The following NPFFR1 variants were observed in gnomAD, a reference collection of about 807,000 sequenced individuals.
NPFFR1 encodes G-protein coupled receptor 147.
Under a neutral mutation model 12.7 loss-of-function variants are expected in NPFFR1, and 17 were observed. The ratio of observed to expected loss-of-function variants is 1.34; its 90% CI spans 0.92 to 2.01. NPFFR1 has a LOEUF of 2.01. Among genes scored for constraint, NPFFR1 ranks in the 30% most tolerant of loss-of-function variants. NPFFR1 has a pLI of 0.00. For synonymous variants in NPFFR1, 296 were observed against 264.5 expected, an observed-to-expected ratio of 1.12 and a Z score of -1.16; for missense variants, 604 against 606.5, an observed-to-expected ratio of 1.00 and a Z score of 0.04.
chr10:70,265,580 G>A (rs116962914), intron 2 of NPFFR1, among the ~76,000 whole-genome samples: 2,179 of 152,258 alleles, frequency 0.014, 27 homozygotes, highest in Middle Eastern at 0.037. Context: ...TGGAGTTTTC[G>A]TTCCCGATTC....
In NPFFR1 at chr10:70,251,750, G is replaced by C. The variant is rs563179824; in HGVS notation, c.*3207C>G. 6.6e-6 allele frequency: 1 copy of C among 152,270 alleles called. No individual in the cohort carries two copies. The highest frequency in any genetic ancestry group is 1.5e-5 in the Non-Finnish European group (1 of 68,058). 9.4% of individuals were successfully genotyped at this position (152,270 alleles called of 1,614,324 possible). ...GAATGGTCCACACCACTTGCCCGTGGGCGCCTAGGCTGCACAAGGCCCCGT... is the reference window on the plus strand; with the variant it reads ...GAATGGTCCACACCACTTGCCCGTGCGCGCCTAGGCTGCACAAGGCCCCGT... On this transcript the variant is annotated 3_prime_UTR_variant, in exon 4 of 4. Coordinates refer to ENST00000277942, the MANE Select transcript of NPFFR1 (RefSeq NM_022146.5).
chr10:70,280,734 T>C (rs930986561), intron 1 of NPFFR1, among the ~76,000 whole-genome samples: 1 of 152,208 alleles, frequency 6.6e-6, no homozygotes, highest in African/African-American at 2.4e-5. Context: ...CTGGGCGTAG[T>C]GGCTCACACC....
chr10:70,283,714 C>G lies in NPFFR1; in HGVS notation c.-38G>C, dbSNP rs1342573386. ...TGCGGGCTCCGGCGGTCTCCGATGGCGGGAGGCAGCGGGCCCCTTCGGGCC... is the reference window on the plus strand; with the variant it reads ...TGCGGGCTCCGGCGGTCTCCGATGGGGGGAGGCAGCGGGCCCCTTCGGGCC... On this transcript the variant is annotated 5_prime_UTR_variant, in exon 1 of 4. Transcript: ENST00000277942. 8.5e-6 allele frequency: 13 copies of G among 1,533,878 alleles called. No homozygotes were observed. The Admixed American group carries it at 2.0e-4, about 23-fold the overall frequency.
chr10:70,271,424 G>T (rs1489932596), intron 1 of NPFFR1, among the ~76,000 whole-genome samples: 2 of 152,016 alleles, frequency 1.3e-5, no homozygotes, highest in African/African-American at 2.4e-5. Flanking sequence ...GAGGTGGGAG[G>T]ATCGCTTGAG....
rs1275652985 is a variant in NPFFR1 at position 70,250,295 on chromosome 10, C to T, written c.*4662G>A. The T allele has an allele frequency of 6.6e-6, 1 of 152,200 alleles. No homozygotes were observed. The highest frequency in any genetic ancestry group is 1.5e-5 in the Non-Finnish European group (1 of 68,048). 9.4% of individuals were successfully genotyped at this position (152,200 alleles called of 1,614,324 possible). A position where few individuals can be genotyped will look rare whatever the true frequency, so the allele number is the denominator to read the frequency against. ...CATTCATACACTGCTGATGGGAGTA[C>T]AAAATGGTAGAGCGACTTTGGAAAG... On this transcript the variant is annotated 3_prime_UTR_variant, in exon 4 of 4. Transcript: ENST00000277942.
intron 1 of NPFFR1, among the ~76,000 whole-genome samples, chr10:70,277,598 C>T (rs1026514935): frequency 2.6e-5 from 4 of 152,212 alleles, no homozygotes; most frequent in Non-Finnish European, 2.9e-5. Flanking sequence ...GACCCCCTTC[C>T]GTACATGGCC....
chr10:70,264,233 G>A (rs1840664603), intron 2 of NPFFR1, among the ~76,000 whole-genome samples: 1 of 151,938 alleles, frequency 6.6e-6, no homozygotes, highest in Non-Finnish European at 1.5e-5. Context: ...AATTAGCTGG[G>A]TGTGGTGGCA....
intron 2 of NPFFR1, among the ~76,000 whole-genome samples, chr10:70,265,085 C>A (rs374239920): frequency 1.3e-5 from 2 of 152,194 alleles, no homozygotes; most frequent in Non-Finnish European, 2.9e-5. Context: ...CAGTGGGTAA[C>A]GGTTCCACCA....
chr10:70,282,536 A>C (rs759872750), intron 1 of NPFFR1, among the ~76,000 whole-genome samples: 10 of 152,140 alleles, frequency 6.6e-5, no homozygotes, highest in Non-Finnish European at 1.2e-4. Flanking sequence ...TTTTCTATAA[A>C]ACTTGATTTT....
rs1317820216 is a variant in NPFFR1 at position 70,253,737 on chromosome 10, G to A, written c.*1220C>T. On this transcript the variant is annotated 3_prime_UTR_variant, in exon 4 of 4. Coordinates refer to ENST00000277942, the MANE Select transcript of NPFFR1 (RefSeq NM_022146.5). Reference sequence around the variant, plus strand: ...AACACCGTGTTTTCTACAGAGGTGGGGGGAAATGTCCATTTAAGTGCAAGA... The same window carrying A: ...AACACCGTGTTTTCTACAGAGGTGGAGGGAAATGTCCATTTAAGTGCAAGA... 2.0e-5 allele frequency: 3 copies of A among 152,126 alleles called. No individual in the cohort carries two copies. Among genetic ancestry groups the A allele is most frequent in the Non-Finnish European group, 4.4e-5 (3 of 68,032 alleles). 9.4% of individuals were successfully genotyped at this position (152,126 alleles called of 1,614,324 possible).
chr10:70,266,185 G>A lies in NPFFR1; in HGVS notation c.214C>T (p.Arg72Trp), dbSNP rs745639559. ...ATGTTGGTGACAGTATGCATGTGCC[G>A]GTTCTTGAGCACGATGAAACAGACC... Reference protein sequence around the residue: ...TLVCFIVLKNRHMHTVTNMFI... With the variant: ...TLVCFIVLKNWHMHTVTNMFI... The change falls in exon 2 of 4, where the codon CGG becomes TGG. Residue 72 changes from arginine to tryptophan, a missense_variant. By Grantham distance (101) the Arg-to-Trp change is moderately radical. Coordinates refer to ENST00000277942, the MANE Select transcript of NPFFR1 (RefSeq NM_022146.5). 1.1e-5 allele frequency: 18 copies of A among 1,613,902 alleles called. No individual in the cohort carries two copies. Among genetic ancestry groups the A allele is most frequent in the Middle Eastern group, 1.6e-4 (1 of 6,084 alleles).
At position 70,252,449 on chromosome 10, in the gene NPFFR1, A is replaced by T. The variant is rs545624150; in HGVS notation, c.*2508T>A. The T allele has an allele frequency of 2.6e-5, 4 of 152,212 alleles. No homozygotes were observed. Among genetic ancestry groups the T allele is most frequent in the Non-Finnish European group, 5.9e-5 (4 of 68,024 alleles). The allele number at this position is 152,212 out of a possible 1,614,324, so 9.4% of individuals were successfully genotyped here. A position where few individuals can be genotyped will look rare whatever the true frequency, so the allele number is the denominator to read the frequency against. On this transcript the variant is annotated 3_prime_UTR_variant, in exon 4 of 4. Transcript: ENST00000277942. ...ATAATAAAAAATTCTGAAAATAGAT[A>T]GTGGTAATGGTTACACAACAATGTG...
At position 70,283,839 on chromosome 10, in the gene NPFFR1, C is replaced by T. The variant is rs983377379; in HGVS notation, c.-163G>A. Among the ~76,000 whole-genome samples the T allele has an allele frequency of 1.3e-5, 2 of 152,196 alleles. No individual in the cohort carries two copies. The highest frequency in any genetic ancestry group is 2.9e-5 in the Non-Finnish European group (2 of 68,016). On this transcript the variant is annotated 5_prime_UTR_variant, in exon 1 of 4. Coordinates refer to ENST00000277942, the MANE Select transcript of NPFFR1 (RefSeq NM_022146.5). ...GGTCCGGGCAGAGGTGAGCAGGGGG[C>T]GTGCGCTCCCAGGCCCCGGGCCCTG...
In NPFFR1 at chr10:70,266,199, A is replaced by G; in HGVS notation, c.200T>C (p.Ile67Thr). ...CMVGNTLVCF[I>T]VLKNRHMHTV... ...ATGCATGTGCCGGTTCTTGAGCACG[A>G]TGAAACAGACCAGGGTGTTGCCCAC... Residue 67 changes from isoleucine to threonine, a missense_variant, in exon 2 of 4, where the codon ATC (isoleucine) becomes ACC (threonine). Transcript: ENST00000277942. 1 of 1,614,050 alleles carries G rather than the reference A, an allele frequency of 6.2e-7. No homozygotes were observed. Among genetic ancestry groups the G allele is most frequent in the Non-Finnish European group, 8.5e-7 (1 of 1,179,906 alleles).
At chr10:70,283,132 T>TTG (rs56036699) in intron 1 of NPFFR1, among the ~76,000 whole-genome samples, 103,424 of 149,524 alleles carry the variant, frequency 0.69, 36,801 homozygotes, top group East Asian at 0.82. Flanking sequence ...CTCTCTCTTT[T>TTG]TGTGTGTGTG....
chr10:70,259,676 G>A (rs978683506), intron 3 of NPFFR1, among the ~76,000 whole-genome samples: 21 of 152,292 alleles, frequency 1.4e-4, no homozygotes, highest in African/African-American at 5.1e-4. Context: ...CAAAGGGCAG[G>A]GTTAAGATAT....
intron 3 of NPFFR1, among the ~76,000 whole-genome samples, chr10:70,258,031 T>A (rs1455954723): frequency 6.6e-6 from 1 of 151,944 alleles, no homozygotes; most frequent in African/African-American, 2.4e-5. Flanking sequence ...ATAATGAAAA[T>A]AATAATAAAT....
In NPFFR1 at chr10:70,250,816, C is replaced by T. The variant is rs770817046; in HGVS notation, c.*4141G>A. The T allele has an allele frequency of 6.6e-6, 1 of 152,154 alleles. No homozygotes were observed. The highest frequency in any genetic ancestry group is 1.9e-4 in the East Asian group (1 of 5,198). The allele number at this position is 152,154 out of a possible 1,614,324, so 9.4% of individuals were successfully genotyped here. A position where few individuals can be genotyped will look rare whatever the true frequency, so the allele number is the denominator to read the frequency against. ...ATAACTATATACAACTGTTAAAACT[C>T]GTCAAGCAGTACACTTAAGACGGGT... is the stretch of plus-strand genomic sequence containing the variant. On this transcript the variant is annotated 3_prime_UTR_variant, in exon 4 of 4. Coordinates refer to ENST00000277942, the MANE Select transcript of NPFFR1 (RefSeq NM_022146.5).
In NPFFR1 at chr10:70,247,998, C is replaced by T. The variant is rs192117363; in HGVS notation, c.*6959G>A. On this transcript the variant is annotated 3_prime_UTR_variant, in exon 4 of 4. Coordinates refer to ENST00000277942, the MANE Select transcript of NPFFR1 (RefSeq NM_022146.5). ...CATTGAAAGTGATGCAAATGTGTCT[C>T]ATGGCCAAAACAGCAGCCTGGAGCC... The T allele has an allele frequency of 1.3e-5, 2 of 152,358 alleles. No homozygotes were observed. Among genetic ancestry groups the T allele is most frequent in the Admixed American group, 6.5e-5 (1 of 15,308 alleles). 9.4% of individuals were successfully genotyped at this position (152,358 alleles called of 1,614,324 possible). A position where few individuals can be genotyped will look rare whatever the true frequency, so the allele number is the denominator to read the frequency against.
Sources: allele counts gnomAD v4.1 joint callset (sites outside exome capture counted in the v4.1 genomes callset), GRCh38; gene constraint gnomAD v4.1.1; transcripts MANE v1.5; gene names NCBI Gene and HGNC (gene_info 2026-07-23, HGNC 2026-07-21).